Variants in ZNF286A observed in about 807,000 individuals in gnomAD.
The protein encoded by ZNF286A is zinc finger protein ZNF286.
Under a neutral mutation model 49.3 loss-of-function variants are expected in ZNF286A, and 34 were observed. The ratio of observed to expected loss-of-function variants is 0.69; its 90% CI spans 0.52 to 0.92. The LOEUF is 0.92. Among genes scored for constraint, ZNF286A ranks in the 40% least tolerant of loss-of-function variants. ZNF286A has a pLI of 0.00. For missense variants in ZNF286A, 462 were observed against 600.2 expected (o/e 0.77, Z 2.41); for synonymous variants, 155 against 200.4 (o/e 0.77, Z 1.91).
chr17:15,715,287 A>C (rs1966973763), intron 5 of ZNF286A, among the ~76,000 whole-genome samples: 1 of 151,792 alleles, frequency 6.6e-6, no homozygotes, highest in South Asian at 2.1e-4. Flanking sequence ...AAAAAGTAGC[A>C]AACTGTGTGT....
At chr17:15,704,066 A>ATTATTT (rs1555564098) in intron 3 of ZNF286A, among the ~76,000 whole-genome samples, 1 of 144,116 alleles carries the variant, frequency 6.9e-6, no homozygotes, top group African/African-American at 2.5e-5. Flanking sequence ...TATTATTATT[A>ATTATTT]TTTTTTTTTT....
At position 15,719,725 on chromosome 17, in the gene ZNF286A, G is replaced by A. The variant is rs192365189; in HGVS notation, c.*2435G>A. 2.6e-4 allele frequency: 39 copies of A among 152,122 alleles called. No individual in the cohort carries two copies. Among genetic ancestry groups the A allele is most frequent in the African/African-American group, 2.7e-4 (11 of 41,418 alleles). 9.4% of individuals were successfully genotyped at this position (152,122 alleles called of 1,614,324 possible). A position where few individuals can be genotyped will look rare whatever the true frequency, so the allele number is the denominator to read the frequency against. On this transcript the variant is annotated 3_prime_UTR_variant, in exon 6 of 6. Coordinates refer to ENST00000583566, the MANE Select transcript of ZNF286A (RefSeq NM_001130842.2). ...TTGATGGGGATATAGCCCATAGTAG[G>A]TTGTATGTCCCTGAAAGCCTAAAAT...
intron 3 of ZNF286A, among the ~76,000 whole-genome samples, chr17:15,704,058 T>G (rs1989990962): frequency 9.6e-6 from 1 of 104,346 alleles, no homozygotes; most frequent in Non-Finnish European, 2.1e-5. Flanking sequence ...TCTCTTATTA[T>G]TATTATTATT....
intron 5 of ZNF286A, among the ~76,000 whole-genome samples, chr17:15,709,008 G>C (rs1990447688): frequency 6.6e-6 from 1 of 152,068 alleles, no homozygotes; most frequent in African/African-American, 2.4e-5. Context: ...ACTTTTGGTA[G>C]ATAGTGCCAA....
At chr17:15,705,614 C>A (rs1990172448) in intron 3 of ZNF286A, among the ~76,000 whole-genome samples, 1 of 152,054 alleles carries the variant, frequency 6.6e-6, no homozygotes, top group Non-Finnish European at 1.5e-5. Context: ...TTACTTTTTG[C>A]AAATGCTACA....
chr17:15,706,596 A>C (rs1990243770), intron 4 of ZNF286A, 95 bp downstream of exon 4: 8 of 911,898 alleles, frequency 8.8e-6, no homozygotes, highest in Non-Finnish European at 1.3e-5. Context: ...CTTTGCATTC[A>C]GGAGTCAAAA....
At position 15,699,792 on chromosome 17, in the gene ZNF286A, G is replaced by T; in HGVS notation, c.-196+15G>T. The T allele has an allele frequency of 1.4e-6, 1 of 702,912 alleles. No individual in the cohort carries two copies. Among genetic ancestry groups the T allele is most frequent in the Admixed American group, 2.0e-5 (1 of 50,016 alleles). The allele number at this position is 702,912 out of a possible 1,614,324, so 43.5% of individuals were successfully genotyped here. The stretch of plus-strand genomic sequence containing the variant: ...CGGGATGGGAGGTGAGTTGCTTGTG[G>T]TGATGTCGCTCGTCTCGGCTCGGCC... On this transcript the variant is annotated intron_variant, in intron 1 of 5. Coordinates refer to ENST00000583566, the MANE Select transcript of ZNF286A (RefSeq NM_001130842.2).
chr17:15,720,361 G>C lies in ZNF286A; in HGVS notation c.*3071G>C, dbSNP rs543440854. The C allele has an allele frequency of 8.7e-4, 132 of 151,236 alleles. No homozygotes were observed. The highest frequency in any genetic ancestry group is 1.8e-4 in the Non-Finnish European group (12 of 67,940). 9.4% of individuals were successfully genotyped at this position (151,236 alleles called of 1,614,324 possible). ...GTTGGCTGTGTCTTCCACATCTTTT[G>C]TTTACCCATGAAGAACTGTGACCAT... On this transcript the variant is annotated 3_prime_UTR_variant, in exon 6 of 6. Transcript: ENST00000583566.
At position 15,701,229 on chromosome 17, in the gene ZNF286A, GC is replaced by G. The variant is rs1989752508; in HGVS notation, c.117del (p.Arg40AspfsTer6). ...EGEVAALRLT[A>X]RSQETVTFKD... is the part of the protein sequence containing the mutation. Reference sequence around the variant, plus strand: ...AGAAGTGGCTGCTCTGCGCCTCACGGCCAGATCCCAGGTGAGTGAGTGCTGA... The same window carrying G: ...AGAAGTGGCTGCTCTGCGCCTCACGGCAGATCCCAGGTGAGTGAGTGCTGA... On this transcript the variant is annotated frameshift_variant, in exon 3 of 6. Coordinates refer to ENST00000583566, the MANE Select transcript of ZNF286A (RefSeq NM_001130842.2). LOFTEE classifies it high-confidence loss of function. 1 of 1,613,910 alleles carries G rather than the reference GC, an allele frequency of 6.2e-7. No homozygotes were observed. Among genetic ancestry groups the G allele is most frequent in the African/African-American group, 1.3e-5 (1 of 74,928 alleles).
intron 3 of ZNF286A, chr17:15,704,438 G>A (rs1212080943): frequency 4.3e-6 from 7 of 1,610,362 alleles, no homozygotes; most frequent in Non-Finnish European, 5.9e-6. Flanking sequence ...GCGCCCCCGT[G>A]GATCTCTGTG....
In ZNF286A at chr17:15,706,492, G is replaced by A; in HGVS notation, c.232G>A (p.Val78Ile). ...GATGCTGGAGAACTATAGGAACCTA[G>A]TCTCACTTTGTAAGAATGGATTGTG... ...DVMLENYRNL[V>I]SLWLPVSKPE... The change falls in exon 4 of 6, where the codon GTC (valine) becomes ATC (isoleucine). Residue 78 changes from valine to isoleucine, a missense_variant. This residue lies in a region of ZNF286A where 259 missense variants were observed against 272.2 expected (regional missense o/e 0.95). Coordinates refer to ENST00000583566, the MANE Select transcript of ZNF286A (RefSeq NM_001130842.2). The A allele has an allele frequency of 2.5e-6, 4 of 1,601,568 alleles. No individual in the cohort carries two copies. Among genetic ancestry groups the A allele is most frequent in the Non-Finnish European group, 3.4e-6 (4 of 1,174,464 alleles).
intron 5 of ZNF286A, among the ~76,000 whole-genome samples, chr17:15,710,577 T>C (rs1053205350): frequency 1.3e-5 from 2 of 152,208 alleles, no homozygotes; most frequent in African/African-American, 4.8e-5. Context: ...TGTCTATGTC[T>C]AATACCAGAC....
chr17:15,705,210 A>G (rs1445190981), intron 3 of ZNF286A, among the ~76,000 whole-genome samples: 1 of 152,200 alleles, frequency 6.6e-6, no homozygotes, highest in African/African-American at 2.4e-5. Context: ...TGCTTCACCC[A>G]GATTTTGCAA....
intron 5 of ZNF286A, chr17:15,709,842 A>G: frequency 1.3e-6 from 2 of 1,545,794 alleles, no homozygotes; most frequent in Non-Finnish European, 1.7e-6. Flanking sequence ...CCTTTTTTTG[A>G]TTCCTTATGT....
At chr17:15,701,908 G>T (rs1989803949) in intron 3 of ZNF286A, among the ~76,000 whole-genome samples, 2 of 151,730 alleles carry the variant, frequency 1.3e-5, no homozygotes, top group Admixed American at 6.6e-5. Context: ...AGATGACTAG[G>T]TGAGGAGATT....
chr17:15,720,470 C>T lies in ZNF286A; in HGVS notation c.*3180C>T, dbSNP rs1488896931. 1 of 140,104 alleles carries T rather than the reference C, an allele frequency of 7.1e-6. No individual in the cohort carries two copies. The highest frequency in any genetic ancestry group is 1.5e-5 in the Non-Finnish European group (1 of 65,254). The allele number at this position is 140,104 out of a possible 1,614,324, so 8.7% of individuals were successfully genotyped here. A position where few individuals can be genotyped will look rare whatever the true frequency, so the allele number is the denominator to read the frequency against. On this transcript the variant is annotated 3_prime_UTR_variant, in exon 6 of 6. Transcript: ENST00000583566. ...CTGGTGCTGTTTTCTGCACAGCCTC[C>T]TTGAGACCTTCCAGAACCTTCTTTT...
intron 3 of ZNF286A, among the ~76,000 whole-genome samples, chr17:15,703,323 T>C (rs2286358): frequency 0.42 from 61,572 of 147,366 alleles, 12,835 homozygotes; most frequent in East Asian, 0.48. Context: ...ATCAAGGTGA[T>C]TGAACCTATT....
At chr17:15,708,437 A>G in intron 5 of ZNF286A, 190 bp downstream of exon 5, 1 of 413,368 alleles carries the variant, frequency 2.4e-6, no homozygotes. Flanking sequence ...GAGATTAGAC[A>G]CGTACTAATA....
rs376967329 is a variant in ZNF286A at position 15,717,517 on chromosome 17, C to A, written c.*227C>A. The A allele has an allele frequency of 1.7e-5, 12 of 695,460 alleles. No homozygotes were observed. In the East Asian group the frequency reaches 3.0e-4, roughly 17 times the overall value. The allele number at this position is 695,460 out of a possible 1,614,324, so 43.1% of individuals were successfully genotyped here. A position where few individuals can be genotyped will look rare whatever the true frequency, so the allele number is the denominator to read the frequency against. The stretch of plus-strand genomic sequence containing the variant: ...ATTTCAAAATTTTAATCTCCAACGT[C>A]CCAAATAGCTATCTGTGGAAATTCA... On this transcript the variant is annotated 3_prime_UTR_variant, in exon 6 of 6. Transcript: ENST00000583566.
Sources: allele counts gnomAD v4.1 joint callset (sites outside exome capture counted in the v4.1 genomes callset), GRCh38; gene constraint gnomAD v4.1.1; regional missense constraint gnomAD v4.1.1; transcripts MANE v1.5; gene names NCBI Gene and HGNC (gene_info 2026-07-23, HGNC 2026-07-21).